The following OXR1 variants were observed in gnomAD, a reference collection of about 807,000 sequenced individuals.
OXR1 encodes oxidation resistance protein 1.
OXR1 carries 41 observed loss-of-function variants against 104.6 expected under a neutral mutation model. The observed-to-expected ratio is 0.39, with a 90% confidence interval of 0.31 to 0.51. The LOEUF (loss-of-function observed/expected upper bound fraction) is 0.51. OXR1 is among the 20% of genes least tolerant of loss of function. OXR1 has a pLI of 0.77. For missense variants in OXR1, 955 were observed against 1,031.9 expected (o/e 0.93, Z 1.02); for synonymous variants, 348 against 348.4 (o/e 1.00, Z 0.01).
chr8:106,377,957 A>G (rs917925860), intron 2 of OXR1, among the ~76,000 whole-genome samples: 4 of 151,962 alleles, frequency 2.6e-5, no homozygotes, highest in Admixed American at 6.6e-5. Context: ...TTCTTTTTCT[A>G]TTTGTATATT....
intron 3 of OXR1, among the ~76,000 whole-genome samples, chr8:106,562,844 C>A (rs1816782789): frequency 6.6e-6 from 1 of 152,122 alleles, no homozygotes; most frequent in Admixed American, 6.6e-5. Flanking sequence ...GAATTTTCAA[C>A]CCAGAATTTC....
intron 3 of OXR1, among the ~76,000 whole-genome samples, chr8:106,664,059 T>C (rs10283339): frequency 3.7e-4 from 57 of 152,248 alleles, no homozygotes; most frequent in African/African-American, 1.3e-3. Context: ...TACTCTCTAC[T>C]TGATCGGCAA....
At chr8:106,652,382 A>T (rs1563670071) in intron 3 of OXR1, among the ~76,000 whole-genome samples, 1 of 152,082 alleles carries the variant, frequency 6.6e-6, no homozygotes, top group Non-Finnish European at 1.5e-5. Context: ...CCATAAAAAA[A>T]CTCAATGATT....
chr8:106,288,634 T>C (rs1332278789), intron 1 of OXR1, among the ~76,000 whole-genome samples: 1 of 148,236 alleles, frequency 6.7e-6, no homozygotes, highest in Non-Finnish European at 1.5e-5. Context: ...ATACATTATA[T>C]ATTAATATAT....
At chr8:106,614,760 T>C (rs1280178826) in intron 3 of OXR1, among the ~76,000 whole-genome samples, 1 of 152,200 alleles carries the variant, frequency 6.6e-6, no homozygotes, top group Non-Finnish European at 1.5e-5. Flanking sequence ...TAAATAGATA[T>C]ATTTACTTAT....
intron 3 of OXR1, among the ~76,000 whole-genome samples, chr8:106,543,130 G>A (rs1190573764): frequency 2.6e-5 from 4 of 152,246 alleles, no homozygotes; most frequent in Admixed American, 2.6e-4. Context: ...CAGAATTGAG[G>A]AAGGAGAAAG....
chr8:106,649,264 TG>T (rs1254668334), intron 3 of OXR1, among the ~76,000 whole-genome samples: 1 of 151,738 alleles, frequency 6.6e-6, no homozygotes, highest in Non-Finnish European at 1.5e-5. Flanking sequence ...CCCATTTGTG[TG>T]GGTTTTTTTT....
rs564530212 is a variant in OXR1 at position 106,727,807 on chromosome 8, A to G, written c.1957-9713A>G. 3.9e-5 allele frequency among the ~76,000 whole-genome samples: 6 copies of G among 152,302 alleles called. 1 individual carries two copies. In the South Asian group the frequency reaches 1.2e-3, roughly 32 times the overall value. On this transcript the variant is annotated intron_variant, in intron 11 of 16. Transcript: ENST00000517566. ...CAAGAATGCTTCCTACTCATTGGTCATTAGCTCTGCCCATACATATATGTT... is the reference window on the plus strand; with the variant it reads ...CAAGAATGCTTCCTACTCATTGGTCGTTAGCTCTGCCCATACATATATGTT...
At chr8:106,280,797 T>C (rs1812249827) in intron 1 of OXR1, among the ~76,000 whole-genome samples, 1 of 151,848 alleles carries the variant, frequency 6.6e-6, no homozygotes, top group Non-Finnish European at 1.5e-5. Context: ...AAGAAGAAAT[T>C]AGTGAAAATT....
chr8:106,338,510 C>T (rs1466216791), intron 1 of OXR1, among the ~76,000 whole-genome samples: 1 of 150,538 alleles, frequency 6.6e-6, no homozygotes, highest in Non-Finnish European at 1.5e-5. Flanking sequence ...TTGCAGTGAG[C>T]CAAGATCACA....
intron 3 of OXR1, among the ~76,000 whole-genome samples, chr8:106,595,443 A>G (rs1819443531): frequency 1.3e-5 from 2 of 150,676 alleles, no homozygotes; most frequent in South Asian, 2.1e-4. Context: ...CCAGCTACCC[A>G]TGAGGCTGAG....
intron 3 of OXR1, among the ~76,000 whole-genome samples, chr8:106,638,029 T>C (rs1269831455): frequency 6.6e-6 from 1 of 152,078 alleles, no homozygotes; most frequent in Non-Finnish European, 1.5e-5. Context: ...CCTCCCAAAG[T>C]GCTGGGATTA....
chr8:106,670,150 CAG>C (rs919479366), intron 3 of OXR1, among the ~76,000 whole-genome samples: 2 of 152,114 alleles, frequency 1.3e-5, no homozygotes, highest in African/African-American at 4.8e-5. Context: ...AGGCCTGTCA[CAG>C]GGGATGGGTG....
intron 15 of OXR1, 40 bp downstream of exon 15, chr8:106,742,357 G>T: frequency 2.6e-6 from 3 of 1,154,526 alleles, no homozygotes; most frequent in South Asian, 2.5e-5. Flanking sequence ...ATAAAGAGTT[G>T]ACATAACATA....
intron 2 of OXR1, among the ~76,000 whole-genome samples, chr8:106,410,398 T>C (rs1384475349): frequency 2.0e-5 from 3 of 152,148 alleles, no homozygotes; most frequent in Non-Finnish European, 2.9e-5. Flanking sequence ...TGTGAAGTGG[T>C]GTTAGACGTT....
intron 1 of OXR1, among the ~76,000 whole-genome samples, chr8:106,288,710 TTA>T (rs931668879): frequency 7.3e-5 from 9 of 122,950 alleles, no homozygotes; most frequent in Admixed American, 8.0e-5. Context: ...TATTTATATA[TTA>T]TATATATTTA....
At chr8:106,299,485 T>C (rs1024951458) in intron 1 of OXR1, among the ~76,000 whole-genome samples, 2 of 152,194 alleles carry the variant, frequency 1.3e-5, no homozygotes, top group African/African-American at 4.8e-5. Flanking sequence ...GAATGTGTTG[T>C]AGTTTTCAGA....
At chr8:106,546,789 G>A (rs1364982300) in intron 3 of OXR1, among the ~76,000 whole-genome samples, 5 of 152,222 alleles carry the variant, frequency 3.3e-5, no homozygotes, top group African/African-American at 1.2e-4. Context: ...AGTTGCTTGC[G>A]TGACTCAGCT....
intron 11 of OXR1, among the ~76,000 whole-genome samples, chr8:106,730,135 A>G (rs768395565): frequency 6.6e-5 from 10 of 152,108 alleles, no homozygotes; most frequent in Non-Finnish European, 1.2e-4. Context: ...GAAGGCATAG[A>G]GAGTTTCCAT....
Sources: allele counts gnomAD v4.1 joint callset (sites outside exome capture counted in the v4.1 genomes callset), GRCh38; gene constraint gnomAD v4.1.1; transcripts MANE v1.5; gene names NCBI Gene and HGNC (gene_info 2026-07-23, HGNC 2026-07-21).